The following NCOA7 variants were observed in gnomAD, a reference collection of about 807,000 sequenced individuals.
NCOA7 encodes nuclear receptor coactivator 7.
A neutral mutation model predicts 104.3 loss-of-function variants in NCOA7; 45 were observed. That is an observed-to-expected ratio of 0.43 (90% CI 0.34 to 0.55). The LOEUF (loss-of-function observed/expected upper bound fraction) is 0.55, where lower values mean the gene tolerates loss of function less well. Ranked by LOEUF, NCOA7 falls within the 20% of genes least tolerant of loss-of-function variation. The pLI, the probability that NCOA7 is intolerant of heterozygous loss-of-function variation, is 0.02. For missense variants in NCOA7, 1,041 were observed against 1,119.7 expected (o/e 0.93, Z 1.00); for synonymous variants, 398 against 402.3 (o/e 0.99, Z 0.13).
chr6:125,847,204 C>T (rs1249985101), intron 2 of NCOA7, among the ~76,000 whole-genome samples: 1 of 152,092 alleles, frequency 6.6e-6, no homozygotes, highest in East Asian at 1.9e-4. Flanking sequence ...ATTTTAAATA[C>T]TGTATCTTTA....
chr6:125,872,053 G>C (rs569628821), intron 3 of NCOA7, among the ~76,000 whole-genome samples: 1 of 150,974 alleles, frequency 6.6e-6, no homozygotes, highest in African/African-American at 2.4e-5. Flanking sequence ...GCATCATCAC[G>C]GTCTTTACCT....
chr6:125,845,689 C>T (rs1780543109), intron 2 of NCOA7, among the ~76,000 whole-genome samples: 1 of 152,150 alleles, frequency 6.6e-6, no homozygotes, highest in African/African-American at 2.4e-5. Flanking sequence ...ATCGTGTGAA[C>T]CAGGGAGTCG....
At position 125,929,565 on chromosome 6, in the gene NCOA7, A is replaced by T. The variant is rs1187108014; in HGVS notation, c.*794A>T. On this transcript the variant is annotated 3_prime_UTR_variant, in exon 16 of 16. Coordinates refer to ENST00000392477, the MANE Select transcript of NCOA7 (RefSeq NM_181782.5). ...CTAAATTTCTAAAAACTCATTATGAATGTTCATCAATTTGACTATTATAGG... is the reference window on the plus strand; with the variant it reads ...CTAAATTTCTAAAAACTCATTATGATTGTTCATCAATTTGACTATTATAGG... The T allele has an allele frequency of 1.3e-5, 2 of 152,134 alleles. No homozygotes were observed. The highest frequency in any genetic ancestry group is 3.8e-4 in the East Asian group (2 of 5,200). 9.4% of individuals were successfully genotyped at this position (152,134 alleles called of 1,614,324 possible).
chr6:125,923,368 G>T (rs1787756691), intron 13 of NCOA7, among the ~76,000 whole-genome samples: 1 of 152,190 alleles, frequency 6.6e-6, no homozygotes, highest in African/African-American at 2.4e-5. Flanking sequence ...TACCGTTCTT[G>T]ATTGTACTTT....
chr6:125,879,020 T>A (rs539189062), intron 5 of NCOA7, among the ~76,000 whole-genome samples: 1 of 152,288 alleles, frequency 6.6e-6, no homozygotes, highest in East Asian at 1.9e-4. Flanking sequence ...TACCTAATAC[T>A]TTTTTTAAGA....
chr6:125,927,779 T>C (rs773963791), intron 14 of NCOA7, 21 bp downstream of exon 14: 4 of 1,565,052 alleles, frequency 2.6e-6, no homozygotes, highest in Admixed American at 3.3e-5. Context: ...AGGAGAAATA[T>C]CCAACTCCCA....
At chr6:125,888,476 C>T (rs576410917) in intron 8 of NCOA7, among the ~76,000 whole-genome samples, 110 of 152,152 alleles carry the variant, frequency 7.2e-4, no homozygotes, top group Non-Finnish European at 1.2e-3. Context: ...ACTAAGTCAA[C>T]GAGCTTTTCA....
chr6:125,802,004 G>C (rs1262732693), intron 1 of NCOA7, among the ~76,000 whole-genome samples: 2 of 152,190 alleles, frequency 1.3e-5, no homozygotes, highest in Non-Finnish European at 2.9e-5. Context: ...TGCCTTCTCA[G>C]CTAAGACCCC....
intron 2 of NCOA7, among the ~76,000 whole-genome samples, chr6:125,837,564 A>G (rs1779716782): frequency 6.6e-6 from 1 of 152,056 alleles, no homozygotes; most frequent in Non-Finnish European, 1.5e-5. Context: ...ATATCCAGTC[A>G]GTGTATCTCC....
chr6:125,916,120 C>T lies in NCOA7; in HGVS notation c.2244+640C>T, dbSNP rs183296499. On this transcript the variant is annotated intron_variant, in intron 11 of 15. Coordinates refer to ENST00000392477, the MANE Select transcript of NCOA7 (RefSeq NM_181782.5). ...GTGGGAGGTGATTGGATCATGGGGA[C>T]AGTTTCCCCGTGCTGTTCTCATGAT... is the stretch of plus-strand genomic sequence containing the variant. Among the ~76,000 whole-genome samples the T allele has an allele frequency of 5.9e-5, 9 of 152,244 alleles. No individual in the cohort carries two copies. The East Asian group carries it at 1.7e-3, about 29-fold the overall frequency.
chr6:125,897,520 G>A (rs780470931), intron 10 of NCOA7, among the ~76,000 whole-genome samples: 5 of 151,994 alleles, frequency 3.3e-5, no homozygotes, highest in Non-Finnish European at 5.9e-5. Flanking sequence ...CCTGGAATTG[G>A]CATAATAGCA....
intron 13 of NCOA7, among the ~76,000 whole-genome samples, chr6:125,927,064 A>G (rs1788095628): frequency 6.6e-6 from 1 of 152,230 alleles, no homozygotes; most frequent in Admixed American, 6.5e-5. Flanking sequence ...AAATAACTCC[A>G]TGATATTACG....
chr6:125,857,443 T>TA (rs1781660154), intron 3 of NCOA7, among the ~76,000 whole-genome samples: 1 of 84,022 alleles, frequency 1.2e-5, no homozygotes, highest in African/African-American at 1.2e-4. Context: ...ATATATATAT[T>TA]TTTTTTTTTA....
At chr6:125,854,949 G>A (rs192644517) in intron 2 of NCOA7, 71 bp from the exon 3 acceptor site, 33 of 1,034,822 alleles carry the variant, frequency 3.2e-5, no homozygotes, top group East Asian at 2.2e-4. Flanking sequence ...GTCCAGCAGC[G>A]TGAAATTAAT....
intron 5 of NCOA7, 82 bp downstream of exon 5, chr6:125,878,452 G>A: frequency 1.2e-6 from 1 of 850,710 alleles, no homozygotes; most frequent in East Asian, 2.8e-5. Flanking sequence ...ACTATTGTTT[G>A]TCACAGGATT....
In NCOA7 at chr6:125,808,719, G is replaced by A. The variant is rs541440850; in HGVS notation, c.-64-6572G>A. 1.2e-4 allele frequency among the ~76,000 whole-genome samples: 18 copies of A among 152,184 alleles called. No homozygotes were observed. The South Asian group carries it at 3.7e-3, about 32-fold the overall frequency. ...GCATTTGTCTGTTTTCAGGCTTCTGGCATTTTCTACACCTTCTGCAGTTCT... is the reference window on the plus strand; with the variant it reads ...GCATTTGTCTGTTTTCAGGCTTCTGACATTTTCTACACCTTCTGCAGTTCT... On this transcript the variant is annotated intron_variant, in intron 1 of 15. Transcript: ENST00000392477.
chr6:125,876,252 T>C (rs147846903), intron 4 of NCOA7, among the ~76,000 whole-genome samples: 308 of 152,372 alleles, frequency 2.0e-3, no homozygotes, highest in African/African-American at 6.6e-3. Context: ...AAGATCTCTG[T>C]CACAGGCTTT....
At chr6:125,914,070 C>G (rs1033132576) in intron 10 of NCOA7, among the ~76,000 whole-genome samples, 1 of 152,240 alleles carries the variant, frequency 6.6e-6, no homozygotes, top group Admixed American at 6.5e-5. Context: ...GCTATAAAAT[C>G]ATGCCCCTTG....
At chr6:125,880,047 G>C (rs1325246451) in intron 5 of NCOA7, among the ~76,000 whole-genome samples, 1 of 152,122 alleles carries the variant, frequency 6.6e-6, no homozygotes, top group Admixed American at 6.6e-5. Context: ...CCACAATGTA[G>C]CATGTCTCAT....
Sources: allele counts gnomAD v4.1 joint callset (sites outside exome capture counted in the v4.1 genomes callset), GRCh38; gene constraint gnomAD v4.1.1; transcripts MANE v1.5; gene names NCBI Gene and HGNC (gene_info 2026-07-23, HGNC 2026-07-21).